The following CUX1 variants were observed in gnomAD, a reference collection of about 807,000 sequenced individuals.
The protein encoded by CUX1 is protein CASP.
CUX1 carries 31 observed loss-of-function variants against 158.8 expected under a neutral mutation model. The observed-to-expected ratio is 0.20, with a 90% CI of 0.15 to 0.26. The LOEUF is 0.26. Ranked by LOEUF, CUX1 falls within the 10% of genes least tolerant of loss-of-function variation. The pLI is 1.00. For synonymous variants in CUX1, 879 were observed against 862.1 expected (o/e 1.02, Z -0.34); for missense variants, 1,589 against 2,014.6 (o/e 0.79, Z 4.04).
At chr7:101,889,537 G>A (rs1163532665) in intron 1 of CUX1, among the ~76,000 whole-genome samples, 2 of 152,200 alleles carry the variant, frequency 1.3e-5, no homozygotes, top group African/African-American at 2.4e-5. Context: ...TTGGGAGGCC[G>A]AGGCCGGCGG....
chr7:102,029,780 A>G (rs1379797863), intron 3 of CUX1, among the ~76,000 whole-genome samples: 1 of 152,020 alleles, frequency 6.6e-6, no homozygotes, highest in Non-Finnish European at 1.5e-5. Context: ...TTTTCTCAGA[A>G]CTTCATCTCC....
At chr7:101,912,904 G>T (rs543453737) in intron 1 of CUX1, among the ~76,000 whole-genome samples, 2 of 152,224 alleles carry the variant, frequency 1.3e-5, no homozygotes, top group African/African-American at 4.8e-5. Flanking sequence ...CTTCTCACAC[G>T]TGACCCGTGA....
intron 1 of CUX1, among the ~76,000 whole-genome samples, chr7:101,893,888 G>A (rs931907349): frequency 3.9e-5 from 6 of 152,116 alleles, no homozygotes; most frequent in South Asian, 2.1e-4. Flanking sequence ...TGATTTATAC[G>A]GCATTAAAAC....
chr7:102,043,769 C>A (rs1227779852), intron 3 of CUX1, among the ~76,000 whole-genome samples: 1 of 152,058 alleles, frequency 6.6e-6, no homozygotes, highest in Non-Finnish European at 1.5e-5. Flanking sequence ...TTGGGGGGAA[C>A]CTCCGTACTG....
At chr7:102,129,181 C>G (rs1424799230) in intron 8 of CUX1, among the ~76,000 whole-genome samples, 1 of 152,204 alleles carries the variant, frequency 6.6e-6, no homozygotes, top group Non-Finnish European at 1.5e-5. Flanking sequence ...AAATCATTAT[C>G]CGCACTGCAA....
chr7:101,857,719 G>C (rs1797012043), intron 1 of CUX1, among the ~76,000 whole-genome samples: 1 of 152,178 alleles, frequency 6.6e-6, no homozygotes, highest in Non-Finnish European at 1.5e-5. Context: ...CTGTGCTATA[G>C]CTTTGCATAA....
intron 8 of CUX1, among the ~76,000 whole-genome samples, chr7:102,131,716 A>G (rs1478361621): frequency 1.3e-5 from 2 of 150,298 alleles, no homozygotes; most frequent in African/African-American, 2.4e-5. Flanking sequence ...TGTCTCACCC[A>G]GGCTGAAGTG....
At chr7:102,158,344 C>T (rs1790017248) in intron 8 of CUX1, among the ~76,000 whole-genome samples, 1 of 152,126 alleles carries the variant, frequency 6.6e-6, no homozygotes, top group East Asian at 1.9e-4. Context: ...AAGGCAGGCA[C>T]CCCATACGCA....
intron 1 of CUX1, among the ~76,000 whole-genome samples, chr7:101,853,591 G>GTA (rs1042292581): frequency 2.7e-5 from 4 of 149,364 alleles, no homozygotes; most frequent in African/African-American, 9.8e-5. Context: ...AAGGGTGTGT[G>GTA]TGTGTGTGTG....
intron 23 of CUX1, among the ~76,000 whole-genome samples, chr7:102,247,602 T>C (rs1042516574): frequency 8.5e-5 from 13 of 152,182 alleles, no homozygotes; most frequent in Non-Finnish European, 1.8e-4. Context: ...GGCAGGAAGA[T>C]TGCTTGAGCC....
At chr7:101,817,121 C>T (rs969649313), upstream of CUX1, 6 of 984,408 alleles carry the variant, frequency 6.1e-6, no homozygotes, top group Non-Finnish European at 7.2e-6. This position sits in a 1 kb window ranked among gnomAD's most constrained non-coding sequence, Gnocchi z 4.1. Context: ...GTGTCCCGGA[C>T]CGCCGGGTGC....
At chr7:102,006,123 T>C (rs1483188585) in intron 2 of CUX1, among the ~76,000 whole-genome samples, 1 of 152,138 alleles carries the variant, frequency 6.6e-6, no homozygotes, top group Non-Finnish European at 1.5e-5. Context: ...GAAAGAGAGC[T>C]GCCTGGGGTT....
intron 1 of CUX1, among the ~76,000 whole-genome samples, chr7:101,851,362 G>T (rs1456327922): frequency 6.6e-6 from 1 of 151,616 alleles, no homozygotes; most frequent in Admixed American, 6.6e-5. Flanking sequence ...TGCCCAGCTG[G>T]GTCTCCCATT....
At chr7:102,152,397 A>G (rs928529687) in intron 8 of CUX1, among the ~76,000 whole-genome samples, 1 of 151,946 alleles carries the variant, frequency 6.6e-6, no homozygotes, top group Non-Finnish European at 1.5e-5. Flanking sequence ...TAACAAACAT[A>G]CAGATTTTTG....
intron 11 of CUX1, among the ~76,000 whole-genome samples, chr7:102,184,185 A>ACCATG (rs1309067024): frequency 6.6e-6 from 1 of 152,202 alleles, no homozygotes; most frequent in Non-Finnish European, 1.5e-5. Flanking sequence ...GGCGTGAAAC[A>ACCATG]CCATGCCCTG....
chr7:102,280,723 T>A (rs1216282746), intron 19 of CUX1: 1 of 1,445,044 alleles, frequency 6.9e-7, no homozygotes, highest in Admixed American at 1.8e-5. Flanking sequence ...GTCCTGTGGC[T>A]GGCCAGGCCC....
At position 102,193,886 on chromosome 7, in the gene CUX1, C is replaced by T. The variant is rs782780874; in HGVS notation, c.1121C>T (p.Thr374Ile). Residue 374 changes from threonine to isoleucine, a missense_variant, in exon 13 of 24, where the codon ACA (threonine) becomes ATA (isoleucine). This residue lies in a region of CUX1 where 515 missense variants were observed against 574.4 expected (regional missense o/e 0.90). Coordinates refer to ENST00000292535, the MANE Select transcript of CUX1 (RefSeq NM_181552.4). ...MEFAPSEGAG[T>I]QDAAKPLEVL... Reference sequence around the variant, plus strand: ...TTTGCACCGTCCGAGGGCGCTGGGACACAGGTACGTGTCTCACCTCAATGG... The same window carrying T: ...TTTGCACCGTCCGAGGGCGCTGGGATACAGGTACGTGTCTCACCTCAATGG... 1 of 1,614,042 alleles carries T rather than the reference C, an allele frequency of 6.2e-7. No individual in the cohort carries two copies. The highest frequency in any genetic ancestry group is 1.7e-5 in the Admixed American group (1 of 59,994).
chr7:102,208,527 C>G (rs1554522315), intron 20 of CUX1, among the ~76,000 whole-genome samples: 1 of 152,230 alleles, frequency 6.6e-6, no homozygotes, highest in African/African-American at 2.4e-5. Context: ...AGGCATGAGC[C>G]ACCGTGCCCC....
At chr7:101,827,789 A>C (rs1311744180) in intron 1 of CUX1, among the ~76,000 whole-genome samples, 1 of 152,150 alleles carries the variant, frequency 6.6e-6, no homozygotes, top group Non-Finnish European at 1.5e-5. Context: ...AGGAAGAGAG[A>C]ATATATTTAC....
Sources: allele counts gnomAD v4.1 joint callset (sites outside exome capture counted in the v4.1 genomes callset), GRCh38; gene constraint gnomAD v4.1.1; regional missense constraint gnomAD v4.1.1; non-coding constraint Gnocchi (gnomAD v3.1); transcripts MANE v1.5; gene names NCBI Gene and HGNC (gene_info 2026-07-23, HGNC 2026-07-21).